Variants in QKI observed in about 807,000 individuals in gnomAD.
QKI encodes the protein QKI, KH domain containing RNA binding.
In QKI, 10 loss-of-function variants were observed where a neutral mutation model predicts 39.0. The observed-to-expected ratio is 0.26, with a 90% confidence interval of 0.16 to 0.43. The LOEUF is 0.43. QKI is among the 20% of genes least tolerant of loss of function. The probability of loss-of-function intolerance (pLI) is 1.00; values close to 1 mark genes in which losing one functional copy is unlikely to be tolerated. For missense variants in QKI, 218 were observed against 428.0 expected (o/e 0.51, Z 4.33); for synonymous variants, 204 against 155.4 (o/e 1.31, Z -2.33).
At chr6:163,569,858 AT>A in intron 7 of QKI, 2 of 987,936 alleles carry the variant, frequency 2.0e-6, no homozygotes, top group Non-Finnish European at 2.4e-6. Flanking sequence ...AATTTCTTCT[AT>A]TTTTTGATGT....
intron 1 of QKI, among the ~76,000 whole-genome samples, chr6:163,454,822 T>C (rs540865601): frequency 2.6e-5 from 4 of 152,336 alleles, no homozygotes; most frequent in East Asian, 3.9e-4. Flanking sequence ...TCCAAAGATA[T>C]CTAAAAATAA....
intron 3 of QKI, among the ~76,000 whole-genome samples, chr6:163,484,572 A>G (rs1205937136): frequency 2.0e-5 from 3 of 152,174 alleles, no homozygotes; most frequent in Non-Finnish European, 4.4e-5. Context: ...ACATAAAGTC[A>G]CCAGTTGCAT....
intron 3 of QKI, among the ~76,000 whole-genome samples, chr6:163,488,955 T>C (rs188906895): frequency 4.9e-4 from 74 of 150,162 alleles, no homozygotes; most frequent in Non-Finnish European, 1.9e-4. Flanking sequence ...TTTTAGTTTT[T>C]GGTTTATCCT....
In QKI at chr6:163,417,006, G is replaced by A. The variant is rs75325977; in HGVS notation, c.142+1671G>A. Among the ~76,000 whole-genome samples, 143 of 152,126 alleles carry A rather than the reference G, an allele frequency of 9.4e-4. 3 individuals are homozygous for A. In the East Asian group the frequency reaches 0.022, roughly 24 times the overall value. ...CCAGTTATTTTTTAACCATGGAAAT[G>A]GTTGGAACAAAATGTGTAACATACT... On this transcript the variant is annotated intron_variant, in intron 1 of 7. Transcript: ENST00000361752.
At position 163,571,147 on chromosome 6, in the gene QKI, A is replaced by C. The variant is rs1170851186; in HGVS notation, c.*437A>C. 6.5e-6 allele frequency: 1 copy of C among 154,388 alleles called. No individual in the cohort carries two copies. Among genetic ancestry groups the C allele is most frequent in the Non-Finnish European group, 1.4e-5 (1 of 69,660 alleles). The allele number at this position is 154,388 out of a possible 1,614,324, so 9.6% of individuals were successfully genotyped here. A position where few individuals can be genotyped will look rare whatever the true frequency, so the allele number is the denominator to read the frequency against. On this transcript the variant is annotated 3_prime_UTR_variant, in exon 8 of 8. Coordinates refer to ENST00000361752, the MANE Select transcript of QKI (RefSeq NM_006775.3). ...ATAGCGAAGTCAAAGCTCTCTCTGAATGTACTGTGTGATGATGCATCATGC... is the reference window on the plus strand; with the variant it reads ...ATAGCGAAGTCAAAGCTCTCTCTGACTGTACTGTGTGATGATGCATCATGC...
rs568257253 is a variant in QKI, at chr6:163,577,335, GCTTATA to G, written c.*6627_*6632del. 109 of 152,114 alleles carry G rather than the reference GCTTATA, an allele frequency of 7.2e-4. No homozygotes were observed. Among genetic ancestry groups the G allele is most frequent in the African/African-American group, 2.5e-3 (102 of 41,472 alleles). 9.4% of individuals were successfully genotyped at this position (152,114 alleles called of 1,614,324 possible). ...GCAGCCCAAAGGTGTGTTTGGTTTGGCTTATACGGTGTTTTGCTTTTTAAACTACTT... is the reference window on the plus strand; with the variant it reads ...GCAGCCCAAAGGTGTGTTTGGTTTGGCGGTGTTTTGCTTTTTAAACTACTT... On this transcript the variant is annotated 3_prime_UTR_variant, in exon 8 of 8. Transcript: ENST00000361752.
chr6:163,575,369 G>A lies in QKI; in HGVS notation c.*4659G>A, dbSNP rs1449867571. On this transcript the variant is annotated 3_prime_UTR_variant, in exon 8 of 8. Transcript: ENST00000361752. ...GAAATGTAAAAAAGTTTTAAAAGGCGAAAATAACATTACAGATTTCATTTT... is the reference window on the plus strand; with the variant it reads ...GAAATGTAAAAAAGTTTTAAAAGGCAAAAATAACATTACAGATTTCATTTT... The A allele has an allele frequency of 4.6e-5, 7 of 152,050 alleles. No homozygotes were observed. Among genetic ancestry groups the A allele is most frequent in the South Asian group, 2.1e-4 (1 of 4,830 alleles). 9.4% of individuals were successfully genotyped at this position (152,050 alleles called of 1,614,324 possible).
chr6:163,441,531 T>C (rs1166361912), intron 1 of QKI, among the ~76,000 whole-genome samples: 1 of 152,180 alleles, frequency 6.6e-6, no homozygotes, highest in Non-Finnish European at 1.5e-5. Context: ...CAGCTAACAT[T>C]CTAATGTCAA....
chr6:163,506,091 A>C (rs1779078843), intron 3 of QKI, among the ~76,000 whole-genome samples: 1 of 151,564 alleles, frequency 6.6e-6, no homozygotes, highest in Non-Finnish European at 1.5e-5. Context: ...CCTTGTGAAG[A>C]AGGTGCTCTT....
chr6:163,451,076 G>T (rs1790528002), intron 1 of QKI, among the ~76,000 whole-genome samples: 1 of 152,180 alleles, frequency 6.6e-6, no homozygotes, highest in Non-Finnish European at 1.5e-5. Flanking sequence ...ATTAATATCA[G>T]TCTGCTGAAG....
intron 5 of QKI, 62 bp from the exon 6 acceptor site, chr6:163,563,358 A>T: frequency 7.1e-7 from 1 of 1,416,918 alleles, no homozygotes; most frequent in Non-Finnish European, 9.5e-7. Context: ...CTCCCTTCTC[A>T]TTTTTCCGTA....
chr6:163,415,039 G>A lies in QKI; in HGVS notation c.-155G>A. 5.2e-6 allele frequency: 4 copies of A among 772,818 alleles called. No individual in the cohort carries two copies. Among genetic ancestry groups the A allele is most frequent in the South Asian group, 5.6e-5 (1 of 17,838 alleles). The allele number at this position is 772,818 out of a possible 1,614,324, so 47.9% of individuals were successfully genotyped here. ...GGCGGGCGAGCGCGCGGTGCCGGCC[G>A]CCCCGGGGCTCGGCGCGGGAGCCAG... On this transcript the variant is annotated 5_prime_UTR_variant, in exon 1 of 8. Coordinates refer to ENST00000361752, the MANE Select transcript of QKI (RefSeq NM_006775.3).
chr6:163,458,200 C>G (rs1304363246), intron 2 of QKI, among the ~76,000 whole-genome samples: 2 of 152,138 alleles, frequency 1.3e-5, no homozygotes, highest in Non-Finnish European at 2.9e-5. Flanking sequence ...TACACTTGAT[C>G]TTAACCAAAA....
At chr6:163,542,308 CTT>C (rs1228884249) in intron 4 of QKI, among the ~76,000 whole-genome samples, 3 of 151,896 alleles carry the variant, frequency 2.0e-5, no homozygotes, top group East Asian at 1.9e-4. Context: ...TTAGTCAAGA[CTT>C]TATATGGATA....
intron 3 of QKI, among the ~76,000 whole-genome samples, chr6:163,522,555 A>C (rs760160767): frequency 1.3e-5 from 2 of 151,904 alleles, no homozygotes; most frequent in African/African-American, 2.4e-5. Flanking sequence ...TTTTGTCTCT[A>C]TTCTCCAGTG....
Position 163,568,458 on chromosome 6 carries a change from C to CT in QKI, c.1009+1664dup, listed in dbSNP as rs1164832437. 1.4e-5 allele frequency: 14 copies of CT among 985,610 alleles called. No individual in the cohort carries two copies. In the East Asian group the frequency reaches 1.5e-3, roughly 104 times the overall value. 61.1% of individuals were successfully genotyped at this position (985,610 alleles called of 1,614,324 possible). On this transcript the variant is annotated intron_variant, in intron 7 of 7. Coordinates refer to ENST00000361752, the MANE Select transcript of QKI (RefSeq NM_006775.3). ...TTACGTGTTTTGATTAGTCCTGTCA[C>CT]TGTTTTTATTTAAAATGCAGTGTCA... is the stretch of plus-strand genomic sequence containing the variant.
intron 3 of QKI, among the ~76,000 whole-genome samples, chr6:163,489,295 T>A (rs1777899197): frequency 6.6e-6 from 1 of 151,968 alleles, no homozygotes; most frequent in Non-Finnish European, 1.5e-5. Flanking sequence ...AATTCCTCCG[T>A]CTTAGGGTGA....
chr6:163,498,563 C>A (rs1281405297), intron 3 of QKI, among the ~76,000 whole-genome samples: 3 of 151,728 alleles, frequency 2.0e-5, no homozygotes, highest in Non-Finnish European at 2.9e-5. Flanking sequence ...CACTTTCAGG[C>A]CCCTCCCTTC....
intron 3 of QKI, among the ~76,000 whole-genome samples, chr6:163,506,913 A>C (rs1432111798): frequency 1.3e-5 from 2 of 152,122 alleles, no homozygotes; most frequent in Non-Finnish European, 2.9e-5. Flanking sequence ...CTCACCCACC[A>C]ATGGCAACTT....
Sources: allele counts gnomAD v4.1 joint callset (sites outside exome capture counted in the v4.1 genomes callset), GRCh38; gene constraint gnomAD v4.1.1; transcripts MANE v1.5; gene names NCBI Gene and HGNC (gene_info 2026-07-23, HGNC 2026-07-21).